EFNA5: variants seen among roughly 807,000 people sequenced by gnomAD.
EFNA5 encodes ephrin-A5.
In EFNA5, 5 loss-of-function variants were observed where a neutral mutation model predicts 22.9. The ratio of observed to expected loss-of-function variants is 0.22; its 90% CI spans 0.11 to 0.46. The LOEUF is 0.46. EFNA5 is among the 20% of genes least tolerant of loss of function. EFNA5 has a pLI of 0.99. For missense variants in EFNA5, 237 were observed against 293.3 expected (o/e 0.81, Z 1.40); for synonymous variants, 113 against 112.2 (o/e 1.01, Z -0.04).
chr5:107,526,656 C>T (rs181256750), intron 1 of EFNA5, among the ~76,000 whole-genome samples: 3 of 152,324 alleles, frequency 2.0e-5, no homozygotes, highest in Admixed American at 6.5e-5. Context: ...ACAGGATTTA[C>T]TTCTGAATGT....
intron 2 of EFNA5, among the ~76,000 whole-genome samples, chr5:107,396,584 T>C (rs766046932): frequency 6.6e-6 from 1 of 152,116 alleles, no homozygotes; most frequent in Non-Finnish European, 1.5e-5. Context: ...CAGGTGTGGA[T>C]AGTGGTGATT....
chr5:107,666,317 A>G (rs1751064957), intron 1 of EFNA5, among the ~76,000 whole-genome samples: 1 of 152,030 alleles, frequency 6.6e-6, no homozygotes, highest in African/African-American at 2.4e-5. Flanking sequence ...GAATATGATT[A>G]GGAAAAAAAA....
At chr5:107,560,311 G>A (rs779581512) in intron 1 of EFNA5, among the ~76,000 whole-genome samples, 4 of 152,102 alleles carry the variant, frequency 2.6e-5, no homozygotes, top group Non-Finnish European at 4.4e-5. Context: ...ATAATATAAG[G>A]TACAAAAGGA....
At chr5:107,643,867 T>C (rs374890865) in intron 1 of EFNA5, among the ~76,000 whole-genome samples, 2,689 of 132,740 alleles carry the variant, frequency 0.02, 34 homozygotes, top group African/African-American at 0.04. Context: ...GCTGTCTATT[T>C]TCTTTAATAA....
Position 107,380,555 on chromosome 5 carries a change from C to T in EFNA5, c.*700G>A. ...TGTTTTCACACCTGCTCTGTATTAG[C>T]ATTCCACACCCAACCTGCCTCCTAG... On this transcript the variant is annotated 3_prime_UTR_variant, in exon 5 of 5. Coordinates refer to ENST00000333274, the MANE Select transcript of EFNA5 (RefSeq NM_001962.3). The T allele has an allele frequency of 2.8e-6, 1 of 354,458 alleles. No homozygotes were observed. The highest frequency in any genetic ancestry group is 5.0e-6 in the Non-Finnish European group (1 of 200,372). The allele number at this position is 354,458 out of a possible 1,614,324, so 22.0% of individuals were successfully genotyped here.
chr5:107,509,138 G>A (rs1402550612), intron 1 of EFNA5, among the ~76,000 whole-genome samples: 5 of 152,298 alleles, frequency 3.3e-5, no homozygotes, highest in Middle Eastern at 3.4e-3. Flanking sequence ...GGTGACTAGC[G>A]TGACATGTTA....
chr5:107,619,407 A>T (rs1749990027), intron 1 of EFNA5, among the ~76,000 whole-genome samples: 1 of 152,142 alleles, frequency 6.6e-6, no homozygotes, highest in Non-Finnish European at 1.5e-5. Context: ...ATTAAAATGC[A>T]AGAAGGTAAA....
At chr5:107,569,559 T>TTTTATATATATA (rs1313796140) in intron 1 of EFNA5, among the ~76,000 whole-genome samples, 2 of 42,530 alleles carry the variant, frequency 4.7e-5, no homozygotes, top group Admixed American at 2.6e-4. Context: ...ATATATATAT[T>TTTTATATATATA]TATATATATA....
intron 1 of EFNA5, among the ~76,000 whole-genome samples, chr5:107,612,064 T>C (rs1749826944): frequency 6.6e-6 from 1 of 152,200 alleles, no homozygotes; most frequent in Non-Finnish European, 1.5e-5. Flanking sequence ...TTCAAATATA[T>C]GTACTTTCTT....
intron 1 of EFNA5, among the ~76,000 whole-genome samples, chr5:107,516,174 T>TTGTGTGTGTGTGTGTGTGTGTGTG (rs59824895): frequency 5.7e-5 from 8 of 139,512 alleles, no homozygotes; most frequent in South Asian, 2.4e-4. Context: ...CTGGCTAGTT[T>TTGTGTGTGTGTGTGTGTGTGTGTG]TGTGTGTGTG....
At chr5:107,655,054 T>C (rs1210582610) in intron 1 of EFNA5, among the ~76,000 whole-genome samples, 1 of 151,810 alleles carries the variant, frequency 6.6e-6, no homozygotes, top group East Asian at 1.9e-4. Context: ...AGATGCAGTC[T>C]TTGGCTGATA....
chr5:107,383,361 T>C (rs549194842), intron 4 of EFNA5, among the ~76,000 whole-genome samples: 14 of 152,350 alleles, frequency 9.2e-5, no homozygotes, highest in African/African-American at 3.4e-4. Flanking sequence ...CCCTCTTCTA[T>C]TCTCTGCTCT....
intron 2 of EFNA5, among the ~76,000 whole-genome samples, chr5:107,395,935 C>T (rs1354277757): frequency 6.6e-6 from 1 of 152,224 alleles, no homozygotes; most frequent in African/African-American, 2.4e-5. Flanking sequence ...TCTCCACAGG[C>T]TCCCTTTGCC....
At chr5:107,645,411 T>C (rs1464533226) in intron 1 of EFNA5, among the ~76,000 whole-genome samples, 1 of 152,222 alleles carries the variant, frequency 6.6e-6, no homozygotes, top group Non-Finnish European at 1.5e-5. Flanking sequence ...TAAAAGTCCT[T>C]GTAAGTGGCA....
At chr5:107,649,438 T>C (rs1373049217) in intron 1 of EFNA5, among the ~76,000 whole-genome samples, 1 of 152,190 alleles carries the variant, frequency 6.6e-6, no homozygotes. Context: ...ACTCATAGGC[T>C]AATCGTCAAA....
At chr5:107,495,566 G>A (rs1484807933) in intron 1 of EFNA5, among the ~76,000 whole-genome samples, 4 of 152,090 alleles carry the variant, frequency 2.6e-5, no homozygotes, top group South Asian at 2.1e-4. Context: ...AACTTTTAAC[G>A]TTATTCATTT....
At chr5:107,387,989 A>T (rs547244695) in intron 2 of EFNA5, among the ~76,000 whole-genome samples, 171 of 152,352 alleles carry the variant, frequency 1.1e-3, no homozygotes, top group Non-Finnish European at 1.9e-3. Context: ...TTTCAATACA[A>T]TAAAAGAATC....
chr5:107,482,864 C>CTATATATA (rs1750520222), intron 1 of EFNA5, among the ~76,000 whole-genome samples: 1 of 48,294 alleles, frequency 2.1e-5, no homozygotes, highest in African/African-American at 7.4e-5. Flanking sequence ...CTCTCTCTCT[C>CTATATATA]TCTCTCTATA....
intron 1 of EFNA5, among the ~76,000 whole-genome samples, chr5:107,663,817 A>C: frequency 1.3e-5 from 2 of 152,314 alleles, no homozygotes; most frequent in South Asian, 4.1e-4. Flanking sequence ...AGATTTTTAA[A>C]AATCATTCAA....
Sources: allele counts gnomAD v4.1 joint callset (sites outside exome capture counted in the v4.1 genomes callset), GRCh38; gene constraint gnomAD v4.1.1; transcripts MANE v1.5; gene names NCBI Gene and HGNC (gene_info 2026-07-23, HGNC 2026-07-21).